Variants in PTPRD observed in about 807,000 individuals in gnomAD.
PTPRD encodes the protein receptor-type tyrosine-protein phosphatase delta.
In PTPRD, 34 loss-of-function variants were observed where a neutral mutation model predicts 214.5. The observed-to-expected ratio is 0.16, with a 90% CI of 0.12 to 0.21. PTPRD has a LOEUF of 0.21. Among genes scored for constraint, PTPRD ranks in the 10% least tolerant of loss-of-function variants. PTPRD has a pLI of 1.00. For synonymous variants in PTPRD, 1,128 were observed against 845.7 expected, an observed-to-expected ratio of 1.33 and a Z score of -5.79; for missense variants, 2,545 against 2,398.7, an observed-to-expected ratio of 1.06 and a Z score of -1.27.
At chr9:9,975,988 C>T (rs928717323) in intron 4 of PTPRD, among the ~76,000 whole-genome samples, 2 of 152,166 alleles carry the variant, frequency 1.3e-5, no homozygotes, top group African/African-American at 4.8e-5. Flanking sequence ...CCCTTCAGGT[C>T]ATTATCAGCT....
rs149327972 is a variant in PTPRD at position 9,629,238 on chromosome 9, G to GTGTATA, written c.-286-54458_-286-54457insTATACA. ...TGGGGAGATATATATGTGTGTGTGT[G>GTGTATA]TATATATATATATATATATGAACAC... On this transcript the variant is annotated intron_variant, in intron 7 of 45. Coordinates refer to ENST00000381196, the MANE Select transcript of PTPRD (RefSeq NM_002839.4). Among the ~76,000 whole-genome samples the GTGTATA allele has an allele frequency of 3.2e-3, 447 of 140,392 alleles. 4 individuals are homozygous for GTGTATA. The highest frequency in any genetic ancestry group is 0.012 in the African/African-American group (426 of 35,552). 92.1% of individuals were successfully genotyped at this position (140,392 alleles called of 152,430 possible).
At chr9:9,371,774 A>G (rs1341209679) in intron 9 of PTPRD, among the ~76,000 whole-genome samples, 1 of 152,058 alleles carries the variant, frequency 6.6e-6, no homozygotes, top group African/African-American at 2.4e-5. Flanking sequence ...CCCTCTACAC[A>G]CTGCTTTGAA....
At chr9:10,141,357 G>A (rs961748054) in intron 3 of PTPRD, among the ~76,000 whole-genome samples, 1 of 152,074 alleles carries the variant, frequency 6.6e-6, no homozygotes. Flanking sequence ...AAACCCCATT[G>A]TCTCAGCCCA....
At chr9:8,455,031 C>A (rs7873571) in intron 33 of PTPRD, among the ~76,000 whole-genome samples, 57,911 of 151,936 alleles carry the variant, frequency 0.38, 12,570 homozygotes, top group African/African-American at 0.61. Context: ...AAATAAAAAG[C>A]CTTCAATTAA....
At chr9:9,388,179 C>T (rs1478918901) in intron 9 of PTPRD, among the ~76,000 whole-genome samples, 7 of 152,142 alleles carry the variant, frequency 4.6e-5, no homozygotes, top group Non-Finnish European at 1.0e-4. Context: ...TTGACATGTT[C>T]CTCTTGCTGT....
chr9:9,292,598 A>G (rs1391320266), intron 9 of PTPRD, among the ~76,000 whole-genome samples: 1 of 151,532 alleles, frequency 6.6e-6, no homozygotes, highest in Non-Finnish European at 1.5e-5. Flanking sequence ...ATGAACCAAT[A>G]TTGATAAATT....
At chr9:8,611,338 G>A (rs1015004749) in intron 14 of PTPRD, among the ~76,000 whole-genome samples, 18 of 152,128 alleles carry the variant, frequency 1.2e-4, no homozygotes, top group Non-Finnish European at 2.6e-4. Context: ...TTATGATGAC[G>A]TCACTAAAAG....
At chr9:10,104,566 G>A (rs1172455126) in intron 3 of PTPRD, among the ~76,000 whole-genome samples, 1 of 151,646 alleles carries the variant, frequency 6.6e-6, no homozygotes, top group Non-Finnish European at 1.5e-5. Context: ...GTTTTGCATA[G>A]CAATTGTGTA....
At chr9:8,772,742 A>AT (rs142751648) in intron 11 of PTPRD, among the ~76,000 whole-genome samples, 59 of 151,574 alleles carry the variant, frequency 3.9e-4, no homozygotes, top group African/African-American at 9.9e-4. Flanking sequence ...CAATAGGTTG[A>AT]TTTTTTTTTC....
At chr9:9,879,980 G>A (rs1213984249) in intron 5 of PTPRD, among the ~76,000 whole-genome samples, 1 of 152,146 alleles carries the variant, frequency 6.6e-6, no homozygotes, top group Non-Finnish European at 1.5e-5. Flanking sequence ...TTCTACAGGT[G>A]TGATATGGCT....
At chr9:10,600,541 T>C (rs1369012521) in intron 2 of PTPRD, among the ~76,000 whole-genome samples, 1 of 151,762 alleles carries the variant, frequency 6.6e-6, no homozygotes, top group Non-Finnish European at 1.5e-5. Context: ...GAGGCCAGGC[T>C]AAGTAAGAAA....
intron 11 of PTPRD, among the ~76,000 whole-genome samples, chr9:8,917,336 C>G (rs1409977334): frequency 6.6e-6 from 1 of 151,310 alleles, no homozygotes; most frequent in East Asian, 2.0e-4. Flanking sequence ...CAGCGTTTCA[C>G]CATTTTGGCC....
Position 9,359,874 on chromosome 9 carries a change from G to C in PTPRD, c.-203+37575C>G, listed in dbSNP as rs149838394. 9.0e-4 allele frequency among the ~76,000 whole-genome samples: 136 copies of C among 151,390 alleles called. 4 individuals carry two copies. In the East Asian group the frequency reaches 0.016, roughly 18 times the overall value. The stretch of plus-strand genomic sequence containing the variant: ...CCTCAAAAAAGTGAAAGAAGATTCA[G>C]AGACACTTACTTTCACAGCTACTAC... On this transcript the variant is annotated intron_variant, in intron 9 of 45. Transcript: ENST00000381196.
chr9:9,487,519 A>T (rs1397748761), intron 8 of PTPRD, among the ~76,000 whole-genome samples: 1 of 152,146 alleles, frequency 6.6e-6, no homozygotes, highest in East Asian at 1.9e-4. Flanking sequence ...CGCAATAAAC[A>T]TACATGTGCA....
At chr9:9,055,223 C>T (rs568772612) in intron 10 of PTPRD, among the ~76,000 whole-genome samples, 3 of 152,038 alleles carry the variant, frequency 2.0e-5, no homozygotes, top group African/African-American at 4.8e-5. Context: ...ATAAGAGCCA[C>T]CATCAGAAAA....
intron 8 of PTPRD, among the ~76,000 whole-genome samples, chr9:9,429,941 T>A (rs1304357881): frequency 2.0e-5 from 3 of 152,140 alleles, no homozygotes; most frequent in Admixed American, 6.5e-5. Context: ...CCACAGCCAG[T>A]ATTATACTGA....
chr9:9,643,284 C>G (rs1397105867), intron 7 of PTPRD, among the ~76,000 whole-genome samples: 1 of 152,054 alleles, frequency 6.6e-6, no homozygotes. Context: ...TGACAAACTG[C>G]AACATGTAAA....
intron 14 of PTPRD, among the ~76,000 whole-genome samples, chr9:8,628,199 G>A (rs1246944623): frequency 6.6e-6 from 1 of 151,768 alleles, no homozygotes; most frequent in Non-Finnish European, 1.5e-5. Context: ...TCACAGCGGG[G>A]ACAACTGTGT....
At chr9:8,930,273 C>T (rs1201520377) in intron 11 of PTPRD, among the ~76,000 whole-genome samples, 1 of 151,912 alleles carries the variant, frequency 6.6e-6, no homozygotes, top group African/African-American at 2.4e-5. Context: ...CATCCATGTC[C>T]CTACAAAGGA....
Sources: gnomAD v4.1 joint callset for allele counts (sites outside exome capture counted in the v4.1 genomes callset) on GRCh38, gnomAD v4.1.1 for gene constraint, MANE v1.5 for transcripts, NCBI Gene and HGNC (gene_info 2026-07-23, HGNC 2026-07-21) for gene names.